The following ZDHHC2 variants were observed in gnomAD, a reference collection of about 807,000 sequenced individuals.
ZDHHC2 encodes the protein palmitoyltransferase ZDHHC2.
Under a neutral mutation model 55.6 loss-of-function variants are expected in ZDHHC2, and 51 were observed. That is an observed-to-expected ratio of 0.92 (90% confidence interval 0.73 to 1.16). The LOEUF is 1.16. Ranked by LOEUF, ZDHHC2 falls within the 50% of genes most tolerant of loss-of-function variation. ZDHHC2 has a pLI of 0.00. For missense variants in ZDHHC2, 491 were observed against 442.4 expected (o/e 1.11, Z -0.99); for synonymous variants, 199 against 152.9 (o/e 1.30, Z -2.22).
intron 1 of ZDHHC2, among the ~76,000 whole-genome samples, chr8:17,170,280 G>A (rs771584406): frequency 2.0e-5 from 3 of 152,172 alleles, no homozygotes; most frequent in African/African-American, 4.8e-5. Flanking sequence ...GGATACTCTC[G>A]AATGTTTTAA....
intron 12 of ZDHHC2, among the ~76,000 whole-genome samples, chr8:17,218,781 G>A (rs993971912): frequency 5.9e-5 from 9 of 151,972 alleles, no homozygotes; most frequent in Non-Finnish European, 8.8e-5. Flanking sequence ...CTATTCTATC[G>A]ATACAACCAG....
chr8:17,207,286 G>C (rs1807150253), intron 7 of ZDHHC2, among the ~76,000 whole-genome samples: 1 of 152,120 alleles, frequency 6.6e-6, no homozygotes, highest in Non-Finnish European at 1.5e-5. Flanking sequence ...AGCCATTCCA[G>C]GTCTCTTTGG....
In ZDHHC2 at chr8:17,183,563, G is replaced by A. The variant is rs1009344883; in HGVS notation, c.131-1226G>A. Reference sequence around the variant, plus strand: ...TTAAAAGGAGTGGAGAACCTAGGAAGCATTTACAGATGCCACATCTACGTT... The same window carrying A: ...TTAAAAGGAGTGGAGAACCTAGGAAACATTTACAGATGCCACATCTACGTT... On this transcript the variant is annotated intron_variant, in intron 1 of 12. Coordinates refer to ENST00000262096, the MANE Select transcript of ZDHHC2 (RefSeq NM_016353.5). Among the ~76,000 whole-genome samples, 3 of 152,308 alleles carry A rather than the reference G, an allele frequency of 2.0e-5. No homozygotes were observed. In the South Asian group the frequency reaches 6.2e-4, roughly 32 times the overall value.
At chr8:17,191,810 G>A (rs193196157) in intron 3 of ZDHHC2, among the ~76,000 whole-genome samples, 1 of 152,076 alleles carries the variant, frequency 6.6e-6, no homozygotes, top group South Asian at 2.1e-4. Flanking sequence ...TAACATACTT[G>A]TTTCCTTTCT....
chr8:17,175,332 A>G (rs1805076748), intron 1 of ZDHHC2, among the ~76,000 whole-genome samples: 1 of 152,108 alleles, frequency 6.6e-6, no homozygotes, highest in Non-Finnish European at 1.5e-5. Flanking sequence ...TCATTCTACT[A>G]ATTCACCCAC....
intron 6 of ZDHHC2, among the ~76,000 whole-genome samples, chr8:17,200,246 TG>T (rs1671602449): frequency 6.6e-6 from 1 of 152,186 alleles, no homozygotes; most frequent in African/African-American, 2.4e-5. Context: ...CTCTTCTACC[TG>T]GGTAGTTTCG....
At chr8:17,171,566 AC>A (rs1804854050) in intron 1 of ZDHHC2, among the ~76,000 whole-genome samples, 1 of 152,120 alleles carries the variant, frequency 6.6e-6, no homozygotes, top group African/African-American at 2.4e-5. Flanking sequence ...TGATTTAAAT[AC>A]AAACATTCCG....
chr8:17,157,036 C>G (rs1226760246), intron 1 of ZDHHC2, among the ~76,000 whole-genome samples, 183 bp downstream of exon 1: 1 of 152,186 alleles, frequency 6.6e-6, no homozygotes, highest in Admixed American at 6.5e-5. Context: ...GCGCACGCCC[C>G]TCGCCCTCCC....
At chr8:17,186,481 T>C in intron 3 of ZDHHC2, 56 bp downstream of exon 3, 2 of 1,070,412 alleles carry the variant, frequency 1.9e-6, no homozygotes, top group Admixed American at 7.1e-5. Context: ...AATACTGATG[T>C]ATTATTGAAG....
chr8:17,174,198 T>C (rs1805010587), intron 1 of ZDHHC2, among the ~76,000 whole-genome samples: 1 of 151,950 alleles, frequency 6.6e-6, no homozygotes, highest in South Asian at 2.1e-4. Flanking sequence ...AATCAATCTT[T>C]CTGACTCAGC....
In ZDHHC2 at chr8:17,198,391, A is replaced by G; in HGVS notation, c.454A>G (p.Lys152Glu). The G allele has an allele frequency of 6.2e-7, 1 of 1,603,198 alleles. No individual in the cohort carries two copies. Among genetic ancestry groups the G allele is most frequent in the Non-Finnish European group, 8.5e-7 (1 of 1,175,066 alleles). Residue 152 changes from lysine to glutamate, a missense_variant, in exon 6 of 13, where the codon AAG becomes GAG. Lys to Glu is a moderately conservative substitution (Grantham distance 56). Transcript: ENST00000262096. ...HCSVCDKCIL[K>E]MDHHCPWVNN... ...TGCTTTGTTTTTTAGATGTATTTTG[A>G]AGATGGATCATCATTGTCCATGGTG...
In ZDHHC2 at chr8:17,156,865, C is replaced by A. The variant is rs1248844339; in HGVS notation, c.130+12C>A. 3.4e-6 allele frequency: 5 copies of A among 1,489,454 alleles called. No homozygotes were observed. The highest frequency in any genetic ancestry group is 4.5e-6 in the Non-Finnish European group (5 of 1,118,726). The allele number at this position is 1,489,454 out of a possible 1,614,324, so 92.3% of individuals were successfully genotyped here. On this transcript the variant is annotated intron_variant, in intron 1 of 12. Transcript: ENST00000262096. ...CCAGCTGTGCATAGGTGAGTGCGCC[C>A]CCCGCCGCGGCGCCCCCAGCGCAGC... is the stretch of plus-strand genomic sequence containing the variant.
chr8:17,156,717 C>T lies in ZDHHC2; in HGVS notation c.-7C>T, dbSNP rs1804065043. Reference sequence around the variant, plus strand: ...GGCGGAGCTGGGCAGGTGGATGCGGCTGGAAGATGGCGCCCTCGGGCCCGG... The same window carrying T: ...GGCGGAGCTGGGCAGGTGGATGCGGTTGGAAGATGGCGCCCTCGGGCCCGG... On this transcript the variant is annotated 5_prime_UTR_variant, in exon 1 of 13. Coordinates refer to ENST00000262096, the MANE Select transcript of ZDHHC2 (RefSeq NM_016353.5). The T allele has an allele frequency of 2.0e-6, 3 of 1,465,372 alleles. No individual in the cohort carries two copies. Among genetic ancestry groups the T allele is most frequent in the Non-Finnish European group, 2.7e-6 (3 of 1,105,556 alleles). The allele number at this position is 1,465,372 out of a possible 1,614,324, so 90.8% of individuals were successfully genotyped here. A position where few individuals can be genotyped will look rare whatever the true frequency, so the allele number is the denominator to read the frequency against.
At chr8:17,168,915 A>G (rs1024623951) in intron 1 of ZDHHC2, among the ~76,000 whole-genome samples, 3 of 152,046 alleles carry the variant, frequency 2.0e-5, no homozygotes, top group African/African-American at 7.2e-5. Context: ...TATATATCAG[A>G]TATTGTTTAT....
intron 12 of ZDHHC2, 82 bp from the exon 13 acceptor site, chr8:17,220,174 G>A (rs1276699099): frequency 6.6e-6 from 1 of 152,072 alleles, no homozygotes; most frequent in Non-Finnish European, 1.5e-5. Context: ...GGATATTATT[G>A]AAACAGATTA....
chr8:17,211,105 C>T (rs755502140), intron 10 of ZDHHC2, among the ~76,000 whole-genome samples: 1 of 152,104 alleles, frequency 6.6e-6, no homozygotes, highest in African/African-American at 2.4e-5. Flanking sequence ...AGAGAAAGAC[C>T]TGACATTTCA....
intron 12 of ZDHHC2, among the ~76,000 whole-genome samples, chr8:17,219,252 TAAAA>T (rs71212684): frequency 2.0e-5 from 1 of 49,548 alleles, no homozygotes. Flanking sequence ...AGCAAGACTC[TAAAA>T]AAAAAAAAAA....
chr8:17,210,639 A>G (rs910067931), intron 10 of ZDHHC2, among the ~76,000 whole-genome samples, 159 bp downstream of exon 10: 15 of 152,234 alleles, frequency 9.9e-5, no homozygotes, highest in African/African-American at 3.6e-4. Context: ...ATGATTGAGG[A>G]TACATTGGAA....
chr8:17,156,925 G>A, intron 1 of ZDHHC2, 72 bp downstream of exon 1: 8 of 1,353,932 alleles, frequency 5.9e-6, no homozygotes, highest in Non-Finnish European at 7.7e-6. Flanking sequence ...ACGCTCAGCC[G>A]CTCCTCCGCT....
Sources: gnomAD v4.1 joint callset for allele counts (sites outside exome capture counted in the v4.1 genomes callset) on GRCh38, gnomAD v4.1.1 for gene constraint, MANE v1.5 for transcripts, NCBI Gene and HGNC (gene_info 2026-07-23, HGNC 2026-07-21) for gene names.